Variants in CCSER1 observed in about 807,000 individuals in gnomAD.
CCSER1 encodes the protein coiled-coil serine rich protein 1.
A neutral mutation model predicts 82.0 loss-of-function variants in CCSER1; 41 were observed. That is an observed-to-expected ratio of 0.50 (90% CI 0.39 to 0.65). CCSER1 has a LOEUF of 0.65. Ranked by LOEUF, CCSER1 falls within the 30% of genes least tolerant of loss-of-function variation. The probability of loss-of-function intolerance (pLI) is 0.00; values close to 1 mark genes in which losing one functional copy is unlikely to be tolerated. For synonymous variants in CCSER1, 414 were observed against 383.9 expected (o/e 1.08, Z -0.92); for missense variants, 1,119 against 1,064.2 (o/e 1.05, Z -0.72).
intron 10 of CCSER1, among the ~76,000 whole-genome samples, chr4:91,546,931 T>C (rs1165480868): frequency 1.3e-5 from 2 of 151,680 alleles, no homozygotes; most frequent in Non-Finnish European, 2.9e-5. Context: ...ATTTTTGTTT[T>C]TATTTAGTCC....
intron 5 of CCSER1, among the ~76,000 whole-genome samples, chr4:90,529,949 A>T (rs1047618466): frequency 7.1e-5 from 9 of 126,866 alleles, no homozygotes; most frequent in African/African-American, 3.1e-4. Flanking sequence ...ATATATATAT[A>T]TATTTTTTTT....
At chr4:90,825,119 G>A (rs889384101) in intron 8 of CCSER1, among the ~76,000 whole-genome samples, 1 of 152,180 alleles carries the variant, frequency 6.6e-6, no homozygotes, top group Non-Finnish European at 1.5e-5. Flanking sequence ...ATTTGTTAAA[G>A]TCTTTATCAC....
intron 10 of CCSER1, among the ~76,000 whole-genome samples, chr4:91,393,117 A>C (rs1578348001): frequency 6.6e-6 from 1 of 152,108 alleles, no homozygotes; most frequent in Non-Finnish European, 1.5e-5. Context: ...TGAATCATGA[A>C]TAGGACTGAC....
intron 5 of CCSER1, among the ~76,000 whole-genome samples, chr4:90,503,099 A>G (rs1158198801): frequency 1.3e-5 from 2 of 152,202 alleles, no homozygotes; most frequent in South Asian, 2.1e-4. Context: ...TCAAACCAGA[A>G]AAAACTGAGT....
Position 91,601,367 on chromosome 4 carries a change from T to C in CCSER1, c.*2310T>C, listed in dbSNP as rs1288937556. 6.6e-6 allele frequency: 1 copy of C among 152,060 alleles called. No homozygotes were observed. The highest frequency in any genetic ancestry group is 2.4e-5 in the African/African-American group (1 of 41,440). 9.4% of individuals were successfully genotyped at this position (152,060 alleles called of 1,614,324 possible). A position where few individuals can be genotyped will look rare whatever the true frequency, so the allele number is the denominator to read the frequency against. ...AAGGGTATTTTTTGGAAATATCATC[T>C]TAAAGCTGTTTTGTATCAGTATTTT... On this transcript the variant is annotated 3_prime_UTR_variant, in exon 11 of 11. Coordinates refer to ENST00000509176, the MANE Select transcript of CCSER1 (RefSeq NM_001145065.2).
chr4:90,393,179 G>C (rs1751456573), intron 3 of CCSER1, among the ~76,000 whole-genome samples: 1 of 152,152 alleles, frequency 6.6e-6, no homozygotes, highest in Middle Eastern at 3.4e-3. Flanking sequence ...TTTACTTAAG[G>C]ACACTTACCT....
chr4:90,158,757 C>A (rs1233660190), intron 1 of CCSER1, among the ~76,000 whole-genome samples: 1 of 152,096 alleles, frequency 6.6e-6, no homozygotes, highest in Non-Finnish European at 1.5e-5. Flanking sequence ...TGGGACTGAC[C>A]CGATTTTCCA....
intron 1 of CCSER1, among the ~76,000 whole-genome samples, chr4:90,228,872 C>T (rs1386813835): frequency 3.9e-5 from 6 of 151,922 alleles, no homozygotes; most frequent in Middle Eastern, 3.2e-3. Flanking sequence ...AGGGTATCAG[C>T]GATGGAAGAT....
chr4:90,992,637 C>A (rs939030698), intron 9 of CCSER1, among the ~76,000 whole-genome samples: 1 of 151,932 alleles, frequency 6.6e-6, no homozygotes, highest in South Asian at 2.1e-4. Flanking sequence ...TTATTATAAG[C>A]TCATTCATGT....
chr4:90,487,645 C>G (rs74929753), intron 5 of CCSER1, among the ~76,000 whole-genome samples: 4,236 of 151,996 alleles, frequency 0.028, 205 homozygotes, highest in African/African-American at 0.097. Flanking sequence ...TCTAGTGTTT[C>G]TTTGTTTGTT....
At position 91,505,135 on chromosome 4, in the gene CCSER1, C is replaced by G. The variant is rs141740403; in HGVS notation, c.2218-93437C>G. 3.0e-4 allele frequency among the ~76,000 whole-genome samples: 46 copies of G among 152,230 alleles called. No individual in the cohort carries two copies. The East Asian group carries it at 8.5e-3, about 28-fold the overall frequency. ...GGCCCCAGTGTGTGGTGTTCCCTTC[C>G]CTGTGTCCATGTGCTCTCATCGTTC... On this transcript the variant is annotated intron_variant, in intron 10 of 10. Transcript: ENST00000509176.
intron 10 of CCSER1, chr4:91,325,290 C>A: frequency 2.6e-6 from 1 of 388,330 alleles, no homozygotes; most frequent in Non-Finnish European, 5.0e-6. Context: ...GTTACAAAGG[C>A]TTTTTTCCCA....
intron 10 of CCSER1, among the ~76,000 whole-genome samples, chr4:91,502,442 T>C (rs1759258169): frequency 6.6e-6 from 1 of 152,136 alleles, no homozygotes; most frequent in Admixed American, 6.6e-5. Flanking sequence ...TCTTGGCATA[T>C]AATAATAATA....
chr4:91,360,655 G>T (rs76873040), intron 10 of CCSER1, among the ~76,000 whole-genome samples: 3 of 151,388 alleles, frequency 2.0e-5, no homozygotes, highest in Non-Finnish European at 4.4e-5. Context: ...CAACAAGACA[G>T]CCATAACCAC....
At chr4:90,532,659 T>G (rs1447532849) in intron 5 of CCSER1, among the ~76,000 whole-genome samples, 1 of 152,200 alleles carries the variant, frequency 6.6e-6, no homozygotes, top group Non-Finnish European at 1.5e-5. Context: ...TCTAGATATG[T>G]TATTCTGCTT....
rs1553992151 is a variant in CCSER1 at position 90,707,538 on chromosome 4, AAT to A, written c.1933-16358_1933-16357del. On this transcript the variant is annotated intron_variant, in intron 6 of 10. Transcript: ENST00000509176. Reference sequence around the variant, plus strand: ...TCTGTCATTTCTACCTTAAAAAAAAAATATATATATATATATATAATATTCAA... The same window carrying A: ...TCTGTCATTTCTACCTTAAAAAAAAAATATATATATATATATAATATTCAA... Among the ~76,000 whole-genome samples, 1,025 of 138,054 alleles carry A rather than the reference AAT, an allele frequency of 7.4e-3. 7 individuals carry two copies. Among genetic ancestry groups the A allele is most frequent in the East Asian group, 0.028 (133 of 4,748 alleles). 90.6% of individuals were successfully genotyped at this position (138,054 alleles called of 152,430 possible). A position where few individuals can be genotyped will look rare whatever the true frequency, so the allele number is the denominator to read the frequency against.
At chr4:91,340,549 G>A (rs1747646079) in intron 10 of CCSER1, among the ~76,000 whole-genome samples, 1 of 152,040 alleles carries the variant, frequency 6.6e-6, no homozygotes, top group Non-Finnish European at 1.5e-5. Flanking sequence ...TCTTAATAGT[G>A]TCAGGAAATT....
At chr4:90,953,443 T>C (rs1195607088) in intron 9 of CCSER1, among the ~76,000 whole-genome samples, 1 of 151,632 alleles carries the variant, frequency 6.6e-6, no homozygotes, top group African/African-American at 2.4e-5. Flanking sequence ...AAATATTTAT[T>C]GAACATTTAC....
chr4:90,622,532 C>A (rs1023893836), intron 5 of CCSER1, among the ~76,000 whole-genome samples: 1 of 151,944 alleles, frequency 6.6e-6, no homozygotes, highest in Admixed American at 6.6e-5. Flanking sequence ...GTTTTTTTGT[C>A]CTTGCGATAG....
Sources: allele counts gnomAD v4.1 joint callset (sites outside exome capture counted in the v4.1 genomes callset), GRCh38; gene constraint gnomAD v4.1.1; transcripts MANE v1.5; gene names NCBI Gene and HGNC (gene_info 2026-07-23, HGNC 2026-07-21).